Variants in DGKB observed in about 807,000 individuals in gnomAD.
DGKB encodes the protein 90 kDa diacylglycerol kinase.
A neutral mutation model predicts 114.3 loss-of-function variants in DGKB; 67 were observed. That is an observed-to-expected ratio of 0.59 (90% confidence interval 0.48 to 0.72). The LOEUF (loss-of-function observed/expected upper bound fraction) is 0.72. DGKB is among the 30% of genes least tolerant of loss of function. The pLI, the probability that DGKB is intolerant of heterozygous loss-of-function variation, is 0.00. For synonymous variants in DGKB, 398 were observed against 323.1 expected (o/e 1.23, Z -2.49); for missense variants, 907 against 975.2 (o/e 0.93, Z 0.93).
At chr7:14,521,621 A>G (rs1268666338) in intron 20 of DGKB, among the ~76,000 whole-genome samples, 1 of 151,944 alleles carries the variant, frequency 6.6e-6, no homozygotes, top group Non-Finnish European at 1.5e-5. Flanking sequence ...AGTAATTGTT[A>G]TATCTTTTTT....
At chr7:14,600,124 G>A (rs6944740) in intron 17 of DGKB, among the ~76,000 whole-genome samples, 80,661 of 151,886 alleles carry the variant, frequency 0.53, 21,815 homozygotes, top group African/African-American at 0.62. Flanking sequence ...TCTGCTTCAA[G>A]GATGGCACGT....
chr7:14,872,793 A>C (rs963218934), intron 1 of DGKB, among the ~76,000 whole-genome samples: 1 of 150,044 alleles, frequency 6.7e-6, no homozygotes, highest in Non-Finnish European at 1.5e-5. Flanking sequence ...TGTTTATGTA[A>C]CATATATGTA....
At chr7:14,642,293 T>G (rs1444968804) in intron 13 of DGKB, among the ~76,000 whole-genome samples, 3 of 152,202 alleles carry the variant, frequency 2.0e-5, no homozygotes, top group African/African-American at 7.2e-5. Context: ...TGTCTTCTTC[T>G]GTTTGATGCA....
At chr7:14,915,621 C>T (rs1784205198) in intron 1 of DGKB, among the ~76,000 whole-genome samples, 1 of 152,072 alleles carries the variant, frequency 6.6e-6, no homozygotes, top group African/African-American at 2.4e-5. Context: ...TACACTGTGC[C>T]TCTAATCAGA....
chr7:14,809,972 G>A (rs898728433), intron 2 of DGKB, among the ~76,000 whole-genome samples: 2 of 152,116 alleles, frequency 1.3e-5, no homozygotes, highest in Non-Finnish European at 2.9e-5. Context: ...TTACTTCCCT[G>A]TTTTCCACTA....
intron 5 of DGKB, among the ~76,000 whole-genome samples, chr7:14,729,256 G>A (rs962109261): frequency 1.3e-5 from 2 of 149,122 alleles, no homozygotes; most frequent in Non-Finnish European, 3.0e-5. Flanking sequence ...CCGAGTAGCT[G>A]GGACTACAGG....
intron 21 of DGKB, among the ~76,000 whole-genome samples, chr7:14,366,333 G>A (rs1277469209): frequency 6.6e-6 from 1 of 152,044 alleles, no homozygotes; most frequent in Non-Finnish European, 1.5e-5. Context: ...ATGATATATA[G>A]AGTTGTATTC....
rs1449128314 is a variant in DGKB at position 14,487,076 on chromosome 7, G to A, written c.1771-8851C>T. 3.3e-5 allele frequency among the ~76,000 whole-genome samples: 5 copies of A among 152,136 alleles called. No individual in the cohort carries two copies. In the East Asian group the frequency reaches 7.7e-4, roughly 23 times the overall value. The stretch of plus-strand genomic sequence containing the variant: ...TGTTAAGTAACACATGCCACGTACC[G>A]TGGTGGGCAGAGTGTGTAGGGCTAT... On this transcript the variant is annotated intron_variant, in intron 20 of 25. Transcript: ENST00000402815.
rs1484902500 is a variant in DGKB at position 14,685,363 on chromosome 7, C to G, written c.712-1G>C. 6.2e-7 allele frequency: 1 copy of G among 1,606,476 alleles called. No homozygotes were observed. On this transcript the variant is annotated splice_acceptor_variant, in intron 9 of 25. Transcript: ENST00000402815. LOFTEE classifies it high-confidence loss of function. ...CGTGCTGTCCATCATCCTTCACGTT[C>G]TGCATGGGACGTAAGAGAAACAGAT...
At chr7:14,478,027 C>T (rs944635571) in intron 21 of DGKB, 134 bp downstream of exon 21, 5 of 304,466 alleles carry the variant, frequency 1.6e-5, no homozygotes, top group Non-Finnish European at 2.4e-5. Flanking sequence ...TTAATATTTA[C>T]ACACACACAC....
intron 23 of DGKB, among the ~76,000 whole-genome samples, chr7:14,185,406 G>A (rs1385663372): frequency 1.3e-5 from 2 of 152,032 alleles, no homozygotes; most frequent in East Asian, 1.9e-4. Context: ...GCTCATGGAT[G>A]GGTAGAATCA....
intron 20 of DGKB, among the ~76,000 whole-genome samples, chr7:14,556,433 A>T (rs1274174627): frequency 3.9e-5 from 6 of 152,136 alleles, no homozygotes; most frequent in Admixed American, 3.3e-4. Context: ...TCTCTACATA[A>T]ACATTTAATT....
intron 1 of DGKB, among the ~76,000 whole-genome samples, chr7:14,855,967 T>C (rs577510146): frequency 1.4e-5 from 2 of 146,632 alleles, no homozygotes; most frequent in South Asian, 2.2e-4. Context: ...TTAGTGACAA[T>C]ATGCTAATTT....
chr7:14,517,452 C>G (rs1789011760), intron 20 of DGKB, among the ~76,000 whole-genome samples: 1 of 151,448 alleles, frequency 6.6e-6, no homozygotes, highest in Non-Finnish European at 1.5e-5. Flanking sequence ...AAAAAAAACC[C>G]AAAAATTAAC....
intron 21 of DGKB, among the ~76,000 whole-genome samples, chr7:14,382,151 A>C (rs1429131161): frequency 6.6e-6 from 1 of 152,232 alleles, no homozygotes; most frequent in Non-Finnish European, 1.5e-5. Flanking sequence ...AGTCCCGCCA[A>C]GAAGGATCGA....
chr7:14,698,253 A>T (rs1824437707), intron 7 of DGKB, 84 bp from the exon 8 acceptor site: 1 of 823,498 alleles, frequency 1.2e-6, no homozygotes. Flanking sequence ...TGTTTTGTTC[A>T]ATGTGTAGCT....
rs374653448 is a variant in DGKB at position 14,340,623 on chromosome 7, G to A, written c.1927-1913C>T. On this transcript the variant is annotated intron_variant, in intron 22 of 25. Transcript: ENST00000402815. ...CAGAAGGGGGTCCTCTACAAGCCAC[G>A]GCCTGTGGCTTCTGAAATCTGCCTA... 7.3e-5 allele frequency among the ~76,000 whole-genome samples: 11 copies of A among 151,290 alleles called. No homozygotes were observed. The East Asian group carries it at 1.4e-3, about 19-fold the overall frequency.
chr7:14,483,505 A>C (rs1463165764), intron 20 of DGKB, among the ~76,000 whole-genome samples: 2 of 152,142 alleles, frequency 1.3e-5, no homozygotes, highest in African/African-American at 4.8e-5. Flanking sequence ...TGGGGATATC[A>C]AGAAGAGGTA....
chr7:14,556,885 A>C (rs1436259881), intron 20 of DGKB, among the ~76,000 whole-genome samples: 1 of 152,200 alleles, frequency 6.6e-6, no homozygotes, highest in African/African-American at 2.4e-5. Flanking sequence ...GCATTCTGAA[A>C]TTTTGTTAAA....
Sources: gnomAD v4.1 joint callset for allele counts (sites outside exome capture counted in the v4.1 genomes callset) on GRCh38, gnomAD v4.1.1 for gene constraint, MANE v1.5 for transcripts, NCBI Gene and HGNC (gene_info 2026-07-23, HGNC 2026-07-21) for gene names.